CDH1: variants seen among roughly 807,000 people sequenced by gnomAD.
CDH1 encodes cadherin-1.
Under a neutral mutation model 84.5 loss-of-function variants are expected in CDH1, and 35 were observed. That is an observed-to-expected ratio of 0.41 (90% CI 0.32 to 0.55). CDH1 has a LOEUF of 0.55. CDH1 is among the 20% of genes least tolerant of loss of function. CDH1 has a pLI of 0.19. For synonymous variants in CDH1, 417 were observed against 439.0 expected, an observed-to-expected ratio of 0.95 and a Z score of 0.63; for missense variants, 994 against 1,126.6, an observed-to-expected ratio of 0.88 and a Z score of 1.68.
At chr16:68,753,399 G>C (rs1687373022) in intron 2 of CDH1, among the ~76,000 whole-genome samples, 1 of 150,112 alleles carries the variant, frequency 6.7e-6, no homozygotes, top group South Asian at 2.1e-4. Flanking sequence ...CAGGCTGGAG[G>C]GCAGTGGTGC....
In CDH1 at chr16:68,833,347, T is replaced by C. The variant is rs863224728; in HGVS notation, c.2497T>C (p.Phe833Leu). 3 of 1,614,224 alleles carry C rather than the reference T, an allele frequency of 1.9e-6. No homozygotes were observed. The highest frequency in any genetic ancestry group is 2.5e-6 in the Non-Finnish European group (3 of 1,180,040). The change falls in exon 16 of 16, where the codon TTT (phenylalanine) becomes CTT (leucine). Residue 833 changes from phenylalanine (F) to leucine (L), a missense_variant. By Grantham distance (22) the Phe-to-Leu change is conservative. Transcript: ENST00000261769. ...TAPPYDSLLV[F>L]DYEGSGSEAA... is the part of the protein sequence containing the mutation. ...CCCGCCTTATGATTCTCTGCTCGTG[T>C]TTGACTATGAAGGAAGCGGTTCCGA... is the stretch of plus-strand genomic sequence containing the variant.
chr16:68,786,520 CT>C (rs1323536677), intron 2 of CDH1, among the ~76,000 whole-genome samples: 106 of 77,494 alleles, frequency 1.4e-3, no homozygotes, highest in East Asian at 2.7e-3. Context: ...TTTCTGCTTT[CT>C]TTTTTTTTTT....
intron 13 of CDH1, among the ~76,000 whole-genome samples, chr16:68,825,029 T>C (rs1351546003): frequency 1.3e-5 from 2 of 152,110 alleles, no homozygotes; most frequent in African/African-American, 4.8e-5. Flanking sequence ...GAGGATTGCT[T>C]GAAGCCAGGA....
intron 2 of CDH1, among the ~76,000 whole-genome samples, chr16:68,764,482 C>A (rs1555511939): frequency 6.6e-6 from 1 of 152,188 alleles, no homozygotes; most frequent in Non-Finnish European, 1.5e-5. Flanking sequence ...GAGGCTGAGA[C>A]AGGAGAATCG....
intron 15 of CDH1, among the ~76,000 whole-genome samples, chr16:68,830,047 C>A (rs959246656): frequency 6.6e-6 from 1 of 151,138 alleles, no homozygotes; most frequent in African/African-American, 2.4e-5. Flanking sequence ...AACCTCTGCC[C>A]GGGTTCAAGC....
intron 2 of CDH1, 102 bp from the exon 3 acceptor site, chr16:68,801,568 T>C (rs1672725242): frequency 1.1e-6 from 1 of 907,486 alleles, no homozygotes; most frequent in Non-Finnish European, 1.9e-6. Flanking sequence ...TTGGTTGTGT[T>C]TGGTTTTGTG....
At chr16:68,781,958 G>A (rs911696607) in intron 2 of CDH1, among the ~76,000 whole-genome samples, 1 of 152,168 alleles carries the variant, frequency 6.6e-6, no homozygotes, top group African/African-American at 2.4e-5. Flanking sequence ...CTCAAGGAGG[G>A]GGTCAGAAAA....
chr16:68,813,536 C>CA (rs1567508028), intron 9 of CDH1, 41 bp downstream of exon 9: 1 of 1,575,020 alleles, frequency 6.3e-7, no homozygotes, highest in Non-Finnish European at 8.7e-7. Context: ...CTGGCATCCT[C>CA]ACAGCTGTTC....
Position 68,737,306 on chromosome 16 carries a change from T to C in CDH1, c.-110T>C. 1.1e-6 allele frequency: 1 copy of C among 904,312 alleles called. No homozygotes were observed. The highest frequency in any genetic ancestry group is 1.7e-6 in the Non-Finnish European group (1 of 603,194). The allele number at this position is 904,312 out of a possible 1,614,324, so 56.0% of individuals were successfully genotyped here. On this transcript the variant is annotated 5_prime_UTR_variant, in exon 1 of 16. Coordinates refer to ENST00000261769, the MANE Select transcript of CDH1 (RefSeq NM_004360.5). ...CACCCCCTCTCAGTGGCGTCGGAAC[T>C]GCAAAGCACCTGTGAGCTTGCGGAA...
Position 68,737,342 on chromosome 16 carries a change from A to C in CDH1, c.-74A>C. 1 of 1,302,162 alleles carries C rather than the reference A, an allele frequency of 7.7e-7. No individual in the cohort carries two copies. The highest frequency in any genetic ancestry group is 1.1e-6 in the Non-Finnish European group (1 of 949,552). The allele number at this position is 1,302,162 out of a possible 1,614,324, so 80.7% of individuals were successfully genotyped here. ...TGTGAGCTTGCGGAAGTCAGTTCAGACTCCAGCCCGCTCCAGCCCGGCCCG... is the reference window on the plus strand; with the variant it reads ...TGTGAGCTTGCGGAAGTCAGTTCAGCCTCCAGCCCGCTCCAGCCCGGCCCG... On this transcript the variant is annotated 5_prime_UTR_variant, in exon 1 of 16. Coordinates refer to ENST00000261769, the MANE Select transcript of CDH1 (RefSeq NM_004360.5).
chr16:68,820,544 G>A (rs1308753843), intron 11 of CDH1, among the ~76,000 whole-genome samples: 2 of 152,000 alleles, frequency 1.3e-5, no homozygotes, highest in South Asian at 2.1e-4. Flanking sequence ...TAGAAACGGG[G>A]TTTCACCATA....
intron 9 of CDH1, 194 bp downstream of exon 9, chr16:68,813,689 G>A: frequency 1.4e-6 from 1 of 723,200 alleles, no homozygotes; most frequent in Non-Finnish European, 2.5e-6. Flanking sequence ...TGTGCTGTGT[G>A]TGGTGGCTCA....
In CDH1 at chr16:68,808,500, A is replaced by C; in HGVS notation, c.464A>C (p.Asp155Ala). ...CCTGGCCTCAGAAGACAGAAGAGAG[A>C]CTGGGTTATTCCTCCCATCAGCTGC... ...SSPGLRRQKRDWVIPPISCPE... is the reference protein window; with the variant it reads ...SSPGLRRQKRAWVIPPISCPE... Residue 155 changes from aspartate (D) to alanine (A), a missense_variant, in exon 4 of 16, where the codon GAC (aspartate) becomes GCC (alanine). Physicochemically the swap from Asp to Ala is moderately radical, Grantham distance 126. Around this residue, in one of 3 missense-constraint regions of CDH1, gnomAD observed 22 missense variants for 50.8 expected, o/e 0.43. Coordinates refer to ENST00000261769, the MANE Select transcript of CDH1 (RefSeq NM_004360.5). 5 of 1,614,150 alleles carry C rather than the reference A, an allele frequency of 3.1e-6. No homozygotes were observed. The highest frequency in any genetic ancestry group is 4.2e-6 in the Non-Finnish European group (5 of 1,180,008).
At chr16:68,799,903 C>T (rs917080267) in intron 2 of CDH1, among the ~76,000 whole-genome samples, 1 of 151,888 alleles carries the variant, frequency 6.6e-6, no homozygotes, top group Non-Finnish European at 1.5e-5. Flanking sequence ...ATCCCAGCTA[C>T]TCGGGAGGCT....
chr16:68,815,494 T>C (rs1960956349), intron 9 of CDH1, 21 bp from the exon 10 acceptor site: 1 of 1,614,176 alleles, frequency 6.2e-7, no homozygotes, highest in South Asian at 1.1e-5. Flanking sequence ...TGTTTTTAAC[T>C]TCATTGTTTC....
chr16:68,737,574 T>C, intron 1 of CDH1, 111 bp downstream of exon 1: 2 of 1,022,058 alleles, frequency 2.0e-6, no homozygotes, highest in Admixed American at 4.1e-5. Context: ...TCCAAGAAAG[T>C]TCGGGTCCTG....
intron 2 of CDH1, among the ~76,000 whole-genome samples, chr16:68,744,847 C>T (rs1330482458): frequency 6.6e-6 from 1 of 152,120 alleles, no homozygotes; most frequent in African/African-American, 2.4e-5. Context: ...TTGAAAGTCT[C>T]CCATGTTTTA....
At position 68,758,494 on chromosome 16, in the gene CDH1, G is replaced by A. The variant is rs1237417284; in HGVS notation, c.163+20083G>A. 3.9e-5 allele frequency among the ~76,000 whole-genome samples: 6 copies of A among 152,000 alleles called. No homozygotes were observed. In the East Asian group the frequency reaches 5.8e-4, roughly 15 times the overall value. ...CCTAGCTACTTGGGAGGTTGAGGCA[G>A]GAGGATCACTTGAGCCTGGGAGTTT... On this transcript the variant is annotated intron_variant, in intron 2 of 15. Transcript: ENST00000261769.
intron 2 of CDH1, among the ~76,000 whole-genome samples, chr16:68,772,802 T>TG (rs1243761538): frequency 6.6e-6 from 1 of 151,888 alleles, no homozygotes; most frequent in African/African-American, 2.4e-5. Context: ...AAAAATTACC[T>TG]GGGGGTCCCA....
Sources: gnomAD v4.1 joint callset for allele counts (sites outside exome capture counted in the v4.1 genomes callset) on GRCh38, gnomAD v4.1.1 for gene constraint, gnomAD v4.1.1 regional missense constraint, MANE v1.5 for transcripts, NCBI Gene and HGNC (gene_info 2026-07-23, HGNC 2026-07-21) for gene names.